C12orf54: variants seen among roughly 807,000 people sequenced by gnomAD.
C12orf54 encodes uncharacterized protein C12orf54.
C12orf54 carries 24 observed loss-of-function variants against 26.4 expected under a neutral mutation model. The ratio of observed to expected loss-of-function variants is 0.91; its 90% CI spans 0.66 to 1.28. The LOEUF (loss-of-function observed/expected upper bound fraction) is 1.28, where lower values mean the gene tolerates loss of function less well. Ranked by LOEUF, C12orf54 falls within the 50% of genes most tolerant of loss-of-function variation. The pLI, the probability that C12orf54 is intolerant of heterozygous loss-of-function variation, is 0.00. For synonymous variants in C12orf54, 54 were observed against 47.0 expected (o/e 1.15, Z -0.61); for missense variants, 154 against 150.9 (o/e 1.02, Z -0.11).
At chr12:48,450,521 C>T in the C12orf54 span, among the ~76,000 whole-genome samples, 935 of 152,058 alleles carry the variant, frequency 6.1e-3, 3 homozygotes, top group Middle Eastern at 0.017. Context: ...ATGAGAAAAC[C>T]CTTCAAAAGA....
At chr12:48,480,964 A>C (rs967732125), upstream of C12orf54, among the ~76,000 whole-genome samples, 2 of 152,192 alleles carry the variant, frequency 1.3e-5, no homozygotes, top group East Asian at 3.9e-4. Context: ...CTAACACAGA[A>C]ACAGAAAACC....
the C12orf54 span, among the ~76,000 whole-genome samples, chr12:48,415,858 C>T: frequency 6.6e-6 from 1 of 152,074 alleles, no homozygotes; most frequent in African/African-American, 2.4e-5. Flanking sequence ...GCATTTTAGT[C>T]AAAATGCAAC....
the C12orf54 span, among the ~76,000 whole-genome samples, chr12:48,459,153 C>G: frequency 2.0e-5 from 3 of 152,208 alleles, no homozygotes; most frequent in Non-Finnish European, 4.4e-5. Flanking sequence ...AGCTCTCCCT[C>G]ATTCTTATAA....
intron 2 of C12orf54, among the ~76,000 whole-genome samples, chr12:48,485,085 A>T (rs890787476): frequency 2.0e-5 from 3 of 151,768 alleles, no homozygotes; most frequent in African/African-American, 4.8e-5. Context: ...TATTTTATTT[A>T]TTTATTTTTA....
the C12orf54 span, among the ~76,000 whole-genome samples, chr12:48,475,012 G>T: frequency 6.6e-6 from 1 of 152,192 alleles, no homozygotes; most frequent in African/African-American, 2.4e-5. Context: ...GGGGCAGACT[G>T]ACACCTCACA....
At chr12:48,422,470 C>G in the C12orf54 span, among the ~76,000 whole-genome samples, 1 of 152,088 alleles carries the variant, frequency 6.6e-6, no homozygotes, top group Admixed American at 6.6e-5. Flanking sequence ...ACACTTTGAA[C>G]TCTAGAAGAG....
chr12:48,488,838 G>C, intron 4 of C12orf54, 86 bp from the exon 5 acceptor site: 3 of 1,179,374 alleles, frequency 2.5e-6, no homozygotes, highest in Non-Finnish European at 3.8e-6. Context: ...TAGGAGACTA[G>C]GTAACTTAAT....
At chr12:48,489,181 A>T (rs1344130227) in intron 5 of C12orf54, 1 of 700,776 alleles carries the variant, frequency 1.4e-6, no homozygotes, top group Admixed American at 2.0e-5. Flanking sequence ...ACAAACAGAA[A>T]ATTGTATCTG....
In C12orf54 at chr12:48,492,934, G is replaced by A. The variant is rs1020897524; in HGVS notation, c.194-13G>A. On this transcript the variant is annotated splice_polypyrimidine_tract_variant and intron_variant, in intron 6 of 8. Coordinates refer to ENST00000548364, the MANE Select transcript of C12orf54 (RefSeq NM_152319.4). ...CCCTGTAACAGAATGACTCTTCTCT[G>A]TGTCCACTTTAGGGATGAGCAACTG... The A allele has an allele frequency of 1.5e-5, 24 of 1,613,170 alleles. No homozygotes were observed. Among genetic ancestry groups the A allele is most frequent in the Middle Eastern group, 1.6e-4 (1 of 6,084 alleles).
At chr12:48,417,614 A>C in the C12orf54 span, among the ~76,000 whole-genome samples, 1 of 152,126 alleles carries the variant, frequency 6.6e-6, no homozygotes, top group Admixed American at 6.5e-5. Flanking sequence ...TCAGAGGTAA[A>C]TGTGCAGGTT....
chr12:48,446,938 A>G, the C12orf54 span, among the ~76,000 whole-genome samples: 1 of 152,200 alleles, frequency 6.6e-6, no homozygotes, highest in Non-Finnish European at 1.5e-5. Flanking sequence ...GATAGGTAAG[A>G]AGAAAATAAG....
At chr12:48,435,871 T>C in the C12orf54 span, among the ~76,000 whole-genome samples, 1 of 152,302 alleles carries the variant, frequency 6.6e-6, no homozygotes, top group East Asian at 1.9e-4. Flanking sequence ...AATAACCAGC[T>C]AACATCATAA....
At chr12:48,474,463 G>A in the C12orf54 span, among the ~76,000 whole-genome samples, 3 of 152,234 alleles carry the variant, frequency 2.0e-5, no homozygotes, top group East Asian at 5.8e-4. Context: ...CCCAGGAAGT[G>A]CAAGGGGTCA....
the C12orf54 span, among the ~76,000 whole-genome samples, chr12:48,423,703 T>G: frequency 1.3e-5 from 2 of 152,222 alleles, no homozygotes; most frequent in East Asian, 3.9e-4. Flanking sequence ...TTTTAATATC[T>G]TGTACTTTGT....
intron 7 of C12orf54, among the ~76,000 whole-genome samples, chr12:48,494,079 C>CATG (rs1241636076): frequency 2.3e-5 from 2 of 87,172 alleles, no homozygotes; most frequent in Admixed American, 1.4e-4. Flanking sequence ...ATTAGCTGGG[C>CATG]GTGGTGGCAG....
chr12:48,429,665 A>G, the C12orf54 span, among the ~76,000 whole-genome samples: 5 of 152,166 alleles, frequency 3.3e-5, no homozygotes, highest in African/African-American at 7.2e-5. Flanking sequence ...AAAATCAGAG[A>G]TGACACAAAC....
the C12orf54 span, among the ~76,000 whole-genome samples, chr12:48,431,687 T>C: frequency 6.6e-6 from 1 of 152,216 alleles, no homozygotes; most frequent in African/African-American, 2.4e-5. Context: ...ATCTCTTCTT[T>C]AAGCAAATAT....
the C12orf54 span, among the ~76,000 whole-genome samples, chr12:48,438,289 T>G: frequency 1.5e-4 from 23 of 152,156 alleles, no homozygotes; most frequent in Non-Finnish European, 2.4e-4. Flanking sequence ...CCATGCTCAT[T>G]GGTAGGAAGA....
At chr12:48,456,330 A>G in the C12orf54 span, among the ~76,000 whole-genome samples, 9 of 152,164 alleles carry the variant, frequency 5.9e-5, no homozygotes, top group Middle Eastern at 3.2e-3. Context: ...CAAGATTGCT[A>G]TGGGAGTTCA....
Sources: allele counts gnomAD v4.1 joint callset (sites outside exome capture counted in the v4.1 genomes callset), GRCh38; gene constraint gnomAD v4.1.1; transcripts MANE v1.5; gene names NCBI Gene and HGNC (gene_info 2026-07-23, HGNC 2026-07-21).